PLEKHA7: variants seen among roughly 807,000 people sequenced by gnomAD.
The protein encoded by PLEKHA7 is pleckstrin homology domain containing A7, also known as pleckstrin homology domain-containing family A member 7.
Under a neutral mutation model 170.0 loss-of-function variants are expected in PLEKHA7, and 104 were observed. The observed-to-expected ratio is 0.61, with a 90% CI of 0.52 to 0.72. The LOEUF is 0.72. PLEKHA7 is among the 30% of genes least tolerant of loss of function. The probability of loss-of-function intolerance (pLI) is 0.00; values close to 1 mark genes in which losing one functional copy is unlikely to be tolerated. For synonymous variants in PLEKHA7, 648 were observed against 660.8 expected (o/e 0.98, Z 0.30); for missense variants, 1,615 against 1,671.7 (o/e 0.97, Z 0.59).
intron 4 of PLEKHA7, among the ~76,000 whole-genome samples, chr11:16,856,402 C>T (rs765208181): frequency 4.6e-5 from 7 of 152,212 alleles, no homozygotes; most frequent in Non-Finnish European, 8.8e-5. Flanking sequence ...GAATCCCTTA[C>T]ATAAATGCCA....
chr11:16,887,990 C>A (rs529311202), intron 3 of PLEKHA7, among the ~76,000 whole-genome samples: 141 of 151,656 alleles, frequency 9.3e-4, no homozygotes, highest in African/African-American at 2.4e-3. Context: ...ATGTGGGGAG[C>A]ACCTCTGCCC....
At chr11:16,841,286 C>G (rs946278568) in intron 9 of PLEKHA7, among the ~76,000 whole-genome samples, 1 of 151,988 alleles carries the variant, frequency 6.6e-6, no homozygotes, top group Non-Finnish European at 1.5e-5. Flanking sequence ...CTACCTGGTA[C>G]CCCAAGGTCT....
intron 4 of PLEKHA7, among the ~76,000 whole-genome samples, chr11:16,870,450 G>A (rs1360291920): frequency 2.0e-5 from 3 of 152,016 alleles, no homozygotes; most frequent in East Asian, 3.9e-4. Context: ...GCAACATGGC[G>A]AAACCCTATC....
chr11:16,917,803 C>T (rs948495198), intron 3 of PLEKHA7, among the ~76,000 whole-genome samples: 2 of 152,242 alleles, frequency 1.3e-5, no homozygotes, highest in African/African-American at 4.8e-5. Context: ...ACTATCATAG[C>T]ACTTACCACA....
intron 3 of PLEKHA7, among the ~76,000 whole-genome samples, chr11:16,982,471 C>T (rs61147221): frequency 0.055 from 8,347 of 152,300 alleles, 657 homozygotes; most frequent in African/African-American, 0.16. Flanking sequence ...GGGTGACTAG[C>T]ACATTCAAAG....
intron 6 of PLEKHA7, 56 bp downstream of exon 6, chr11:16,854,833 G>GA: frequency 1.3e-6 from 2 of 1,492,008 alleles, no homozygotes; most frequent in Non-Finnish European, 1.9e-6. Flanking sequence ...CCTGGGAAAG[G>GA]AGAGAACTCA....
chr11:16,993,467 T>C (rs1864165086), intron 3 of PLEKHA7, among the ~76,000 whole-genome samples: 1 of 152,118 alleles, frequency 6.6e-6, no homozygotes, highest in Admixed American at 6.5e-5. Flanking sequence ...GCTCTCTCAG[T>C]TCCTGTGGCT....
chr11:16,827,946 C>T (rs571109630), intron 9 of PLEKHA7, among the ~76,000 whole-genome samples: 2 of 151,794 alleles, frequency 1.3e-5, no homozygotes, highest in African/African-American at 2.4e-5. Flanking sequence ...ATTTACATTT[C>T]GGTGGCCACA....
rs546473355 is a variant in PLEKHA7, at chr11:16,843,807, C to T, written c.697-2085G>A. Among the ~76,000 whole-genome samples, 3 of 152,216 alleles carry T rather than the reference C, an allele frequency of 2.0e-5. No individual in the cohort carries two copies. The East Asian group carries it at 5.8e-4, about 29-fold the overall frequency. On this transcript the variant is annotated intron_variant, in intron 8 of 26. Coordinates refer to ENST00000531066, the MANE Select transcript of PLEKHA7 (RefSeq NM_001329630.2). Reference sequence around the variant, plus strand: ...AAAAAAATAGCTGGGCATGGTGGCACATGCCTGTAATCTCAGCTACTCGGG... The same window carrying T: ...AAAAAAATAGCTGGGCATGGTGGCATATGCCTGTAATCTCAGCTACTCGGG...
intron 13 of PLEKHA7, among the ~76,000 whole-genome samples, chr11:16,810,764 A>C (rs557335165): frequency 1.3e-5 from 2 of 152,202 alleles, no homozygotes; most frequent in Non-Finnish European, 2.9e-5. Context: ...CCACAAAAAC[A>C]TAAGGCCTTT....
intron 6 of PLEKHA7, among the ~76,000 whole-genome samples, chr11:16,853,833 T>C (rs984181607): frequency 6.6e-6 from 1 of 152,144 alleles, no homozygotes; most frequent in African/African-American, 2.4e-5. Flanking sequence ...GCAGCTGCCA[T>C]GGGGCCAGAG....
rs951638431 is a variant in PLEKHA7 at position 16,826,436 on chromosome 11, C to T, written c.1027G>A (p.Glu343Lys). The change falls in exon 10 of 27, where the codon GAG becomes AAG. Residue 343 changes from glutamate (E) to lysine (K), a missense_variant. By Grantham distance (56) the Glu-to-Lys change is moderately conservative. Coordinates refer to ENST00000531066, the MANE Select transcript of PLEKHA7 (RefSeq NM_001329630.2). ...VNFERQEQEGEQYRSQRDPLE... is the reference protein window; with the variant it reads ...VNFERQEQEGKQYRSQRDPLE... ...GGGTCCCTCTGGGAACGGTACTGCT[C>T]TCCCTCCTGCTCCTGCCTCTCGAAG... 2 of 1,614,246 alleles carry T rather than the reference C, an allele frequency of 1.2e-6. No individual in the cohort carries two copies. Among genetic ancestry groups the T allele is most frequent in the Non-Finnish European group, 1.7e-6 (2 of 1,180,054 alleles).
At chr11:16,834,750 C>T (rs371828319) in intron 9 of PLEKHA7, among the ~76,000 whole-genome samples, 51 of 152,092 alleles carry the variant, frequency 3.4e-4, no homozygotes, top group East Asian at 3.3e-3. Context: ...GTCAGTAAGA[C>T]AGATTTCAAA....
chr11:16,915,550 C>T (rs1430792511), intron 3 of PLEKHA7, among the ~76,000 whole-genome samples: 1 of 130,030 alleles, frequency 7.7e-6, no homozygotes, highest in Non-Finnish European at 1.6e-5. Flanking sequence ...GTGTGATGTT[C>T]CCCTTCCTGT....
chr11:16,878,210 T>C (rs1247975691), intron 3 of PLEKHA7, among the ~76,000 whole-genome samples: 1 of 152,180 alleles, frequency 6.6e-6, no homozygotes, highest in Non-Finnish European at 1.5e-5. Flanking sequence ...CTCCTCTCCA[T>C]CTGTACAGCT....
Position 16,789,349 on chromosome 11 carries a change from C to A in PLEKHA7, c.3157-53G>T, listed in dbSNP as rs1261499530. 72 of 1,537,498 alleles carry A rather than the reference C, an allele frequency of 4.7e-5. No individual in the cohort carries two copies. The East Asian group carries it at 1.0e-3, about 22-fold the overall frequency. ...ACACAGAACAGCTGGGCTGGGCACG[C>A]AGAGGACAGCCACCCTGCTGGCTGC... On this transcript the variant is annotated intron_variant, in intron 22 of 26. Coordinates refer to ENST00000531066, the MANE Select transcript of PLEKHA7 (RefSeq NM_001329630.2). The surrounding 1 kb of genome is among the most constrained non-coding windows in gnomAD (Gnocchi z 4.6).
rs559084236 is a variant in PLEKHA7 at position 16,943,586 on chromosome 11, C to T, written c.221+70403G>A. On this transcript the variant is annotated intron_variant, in intron 3 of 26. Coordinates refer to ENST00000531066, the MANE Select transcript of PLEKHA7 (RefSeq NM_001329630.2). ...CAACCACAGGCTTCAAAGATAAATG[C>T]TATACTGGAGTGACTCTGATTAAGT... Among the ~76,000 whole-genome samples the T allele has an allele frequency of 1.8e-4, 28 of 152,274 alleles. 1 individual carries two copies. The South Asian group carries it at 5.6e-3, about 30-fold the overall frequency.
intron 3 of PLEKHA7, among the ~76,000 whole-genome samples, chr11:16,964,506 T>C (rs1473206198): frequency 2.0e-5 from 3 of 152,178 alleles, no homozygotes; most frequent in Non-Finnish European, 1.5e-5. Flanking sequence ...GAAACAGCCT[T>C]TCCCTCATAC....
intron 3 of PLEKHA7, among the ~76,000 whole-genome samples, chr11:16,894,360 A>G (rs1176047280): frequency 6.6e-6 from 1 of 152,260 alleles, no homozygotes; most frequent in Admixed American, 6.5e-5. Context: ...TTAGAGGAAC[A>G]GAGCAGGAAG....
Sources: allele counts gnomAD v4.1 joint callset (sites outside exome capture counted in the v4.1 genomes callset), GRCh38; gene constraint gnomAD v4.1.1; non-coding constraint Gnocchi (gnomAD v3.1); transcripts MANE v1.5; gene names NCBI Gene and HGNC (gene_info 2026-07-23, HGNC 2026-07-21).